ADAM12: variants seen among roughly 807,000 people sequenced by gnomAD.
ADAM12 encodes the protein ADAM metallopeptidase domain 12, also known as disintegrin and metalloproteinase domain-containing protein 12.
Under a neutral mutation model 106.4 loss-of-function variants are expected in ADAM12, and 70 were observed. The ratio of observed to expected loss-of-function variants is 0.66; its 90% CI spans 0.54 to 0.80. ADAM12 has a LOEUF of 0.80. Ranked by LOEUF, ADAM12 falls within the 30% of genes least tolerant of loss-of-function variation. The pLI is 0.00. For synonymous variants in ADAM12, 420 were observed against 433.5 expected, an observed-to-expected ratio of 0.97 and a Z score of 0.39; for missense variants, 1,010 against 1,171.9, an observed-to-expected ratio of 0.86 and a Z score of 2.02.
At chr10:126,209,495 A>C (rs1034705046) in intron 3 of ADAM12, among the ~76,000 whole-genome samples, 1 of 152,196 alleles carries the variant, frequency 6.6e-6, no homozygotes, top group Non-Finnish European at 1.5e-5. Context: ...TCCTATTGTC[A>C]CACAGAATTT....
rs921107488 is a variant in ADAM12, at chr10:126,100,597, C to A, written c.911+475G>T. Among the ~76,000 whole-genome samples, 12 of 151,322 alleles carry A rather than the reference C, an allele frequency of 7.9e-5. 1 individual carries two copies. Among genetic ancestry groups the A allele is most frequent in the Middle Eastern group, 6.9e-3 (2 of 290 alleles). The stretch of plus-strand genomic sequence containing the variant: ...GGGCGTGGTGGCGTGTGCCTGTAAT[C>A]TCAGCTACTCGGGAGGTTGAGGCAG... On this transcript the variant is annotated intron_variant, in intron 9 of 22. Transcript: ENST00000448723.
intron 11 of ADAM12, among the ~76,000 whole-genome samples, chr10:126,080,484 C>T (rs1247276282): frequency 6.6e-6 from 1 of 152,118 alleles, no homozygotes; most frequent in Admixed American, 6.5e-5. Flanking sequence ...ACGATCCTTT[C>T]CCTTGGCGTG....
At chr10:126,227,246 C>T (rs1176399881) in intron 3 of ADAM12, among the ~76,000 whole-genome samples, 1 of 152,146 alleles carries the variant, frequency 6.6e-6, no homozygotes, top group Non-Finnish European at 1.5e-5. Context: ...ATGATTACCA[C>T]ATCATCACCA....
intron 3 of ADAM12, among the ~76,000 whole-genome samples, chr10:126,258,648 T>C (rs1457419352): frequency 6.6e-6 from 1 of 152,176 alleles, no homozygotes; most frequent in Non-Finnish European, 1.5e-5. Flanking sequence ...GCCCATGCCC[T>C]GGCATTCGGC....
At chr10:126,264,588 C>T (rs185783007) in intron 3 of ADAM12, among the ~76,000 whole-genome samples, 4 of 152,270 alleles carry the variant, frequency 2.6e-5, no homozygotes, top group East Asian at 3.9e-4. Flanking sequence ...TTTAGACAAA[C>T]GCCCTCGTTT....
At chr10:126,337,003 G>A (rs751650511) in intron 1 of ADAM12, among the ~76,000 whole-genome samples, 2 of 152,212 alleles carry the variant, frequency 1.3e-5, no homozygotes, top group African/African-American at 2.4e-5. Context: ...GATCAAATGA[G>A]ATCATAGATG....
intron 3 of ADAM12, among the ~76,000 whole-genome samples, chr10:126,184,474 C>A (rs1490020089): frequency 6.6e-6 from 1 of 152,144 alleles, no homozygotes; most frequent in African/African-American, 2.4e-5. Context: ...TTCATTAGTA[C>A]ATTAGTCTTC....
In ADAM12 at chr10:126,109,837, T is replaced by C. The variant is rs371659470; in HGVS notation, c.607A>G (p.Lys203Glu). 1.2e-6 allele frequency: 2 copies of C among 1,612,896 alleles called. No homozygotes were observed. Among genetic ancestry groups the C allele is most frequent in the Non-Finnish European group, 1.7e-6 (2 of 1,179,806 alleles). ...TTAGTTGCCTTGAGGGTCTCTCTTT[T>C]ATGCTGCCAAGAGTAAACATGCACT... is the stretch of plus-strand genomic sequence containing the variant. ...PPSQTWARRH[K>E]RETLKATKYV... is the part of the protein sequence containing the mutation. Residue 203 changes from lysine (K) to glutamate (E), a missense_variant, in exon 7 of 23, where the codon AAA (lysine) becomes GAA (glutamate). Lys to Glu is a moderately conservative substitution (Grantham distance 56). Coordinates refer to ENST00000448723, the MANE Select transcript of ADAM12 (RefSeq NM_001288973.2).
intron 3 of ADAM12, among the ~76,000 whole-genome samples, chr10:126,193,487 T>C (rs895417308): frequency 6.6e-6 from 1 of 152,184 alleles, no homozygotes; most frequent in East Asian, 1.9e-4. Flanking sequence ...GATTAATTTA[T>C]TGTGTGGTTT....
intron 3 of ADAM12, among the ~76,000 whole-genome samples, chr10:126,170,010 G>A (rs1551682): frequency 6.6e-6 from 1 of 151,978 alleles, no homozygotes; most frequent in African/African-American, 2.4e-5. Flanking sequence ...CAGAAAGCTG[G>A]ATGCATTTCA....
chr10:126,145,931 CT>C (rs1956619100), intron 4 of ADAM12, among the ~76,000 whole-genome samples: 1 of 152,230 alleles, frequency 6.6e-6, no homozygotes. Flanking sequence ...TTGAATTTGA[CT>C]GAGGAGGCAT....
intron 18 of ADAM12, chr10:126,041,674 G>T: frequency 9.0e-6 from 9 of 994,664 alleles, no homozygotes; most frequent in Non-Finnish European, 1.1e-5. Context: ...AATGCTAAAA[G>T]CCATATCAGA....
intron 3 of ADAM12, among the ~76,000 whole-genome samples, chr10:126,226,041 G>A (rs918130533): frequency 6.6e-6 from 1 of 151,428 alleles, no homozygotes; most frequent in African/African-American, 2.5e-5. Flanking sequence ...GGCATCTTAT[G>A]GGGGAACAGC....
chr10:126,099,004 T>C (rs1001443851), intron 9 of ADAM12, among the ~76,000 whole-genome samples: 2 of 152,186 alleles, frequency 1.3e-5, no homozygotes, highest in Admixed American at 6.6e-5. Context: ...GCAGAAAAAT[T>C]ATCAACCCTG....
intron 21 of ADAM12, among the ~76,000 whole-genome samples, chr10:126,025,694 G>A (rs750101473): frequency 1.1e-4 from 17 of 151,956 alleles, no homozygotes; most frequent in African/African-American, 2.7e-4. Flanking sequence ...CAGCAACCTC[G>A]AAGATCAAAG....
intron 3 of ADAM12, among the ~76,000 whole-genome samples, chr10:126,190,355 C>T (rs1417885337): frequency 2.0e-5 from 3 of 152,026 alleles, no homozygotes; most frequent in African/African-American, 7.2e-5. Flanking sequence ...ACTACTCTTG[C>T]ACCACCACAC....
intron 3 of ADAM12, among the ~76,000 whole-genome samples, chr10:126,170,546 C>A (rs927648654): frequency 6.6e-6 from 1 of 152,106 alleles, no homozygotes; most frequent in Non-Finnish European, 1.5e-5. Context: ...CTGCTCCAAT[C>A]CCCTAGGCTG....
intron 1 of ADAM12, among the ~76,000 whole-genome samples, chr10:126,378,249 A>T (rs1477696109): frequency 1.3e-5 from 2 of 152,240 alleles, no homozygotes; most frequent in Non-Finnish European, 2.9e-5. Flanking sequence ...AAAATACGTT[A>T]CAGTAAAAAA....
At chr10:126,250,475 C>T (rs1203143981) in intron 3 of ADAM12, among the ~76,000 whole-genome samples, 2 of 152,242 alleles carry the variant, frequency 1.3e-5, no homozygotes, top group East Asian at 1.9e-4. Context: ...TGGCCCTGCT[C>T]GTTTATCGTA....
Sources: allele counts gnomAD v4.1 joint callset (sites outside exome capture counted in the v4.1 genomes callset), GRCh38; gene constraint gnomAD v4.1.1; transcripts MANE v1.5; gene names NCBI Gene and HGNC (gene_info 2026-07-23, HGNC 2026-07-21).